SUSD5: variants seen among roughly 807,000 people sequenced by gnomAD.
The protein encoded by SUSD5 is sushi domain-containing protein 5.
A neutral mutation model predicts 29.5 loss-of-function variants in SUSD5; 33 were observed. The observed-to-expected ratio is 1.12, with a 90% CI of 0.85 to 1.49. The LOEUF is 1.49. SUSD5 is among the 40% of genes most tolerant of loss of function. SUSD5 has a pLI of 0.00. For synonymous variants in SUSD5, 308 were observed against 325.3 expected (o/e 0.95, Z 0.57); for missense variants, 776 against 800.6 (o/e 0.97, Z 0.37).
rs1354966338 is a variant in SUSD5 at position 33,153,622 on chromosome 3, T to C, written c.1010A>G (p.Lys337Arg). The change falls in exon 5 of 5, where the codon AAG (lysine) becomes AGG (arginine). Residue 337 changes from lysine (K) to arginine (R), a missense_variant. Coordinates refer to ENST00000309558, the MANE Select transcript of SUSD5 (RefSeq NM_015551.2). ...VKLVPGEPET[K>R]VIYGNTDGPS... ...ACCATCAGTGTTGCCGTAGATCACC[T>C]TGGTTTCAGGTTCACCTGGGACCAA... 6.2e-7 allele frequency: 1 copy of C among 1,613,918 alleles called. No individual in the cohort carries two copies. The highest frequency in any genetic ancestry group is 1.3e-5 in the African/African-American group (1 of 74,942).
intron 4 of SUSD5, among the ~76,000 whole-genome samples, chr3:33,172,641 G>C (rs1001855398): frequency 6.6e-6 from 1 of 152,230 alleles, no homozygotes; most frequent in South Asian, 2.1e-4. Context: ...GAAAGATGAG[G>C]AAAGTTCTAG....
At chr3:33,172,884 TAC>T (rs1295121253) in intron 4 of SUSD5, among the ~76,000 whole-genome samples, 1 of 152,158 alleles carries the variant, frequency 6.6e-6, no homozygotes, top group Non-Finnish European at 1.5e-5. Context: ...AGCTAATGAC[TAC>T]AAAAAATGTG....
chr3:33,166,630 T>A (rs1007721352), intron 4 of SUSD5, among the ~76,000 whole-genome samples: 5 of 152,220 alleles, frequency 3.3e-5, no homozygotes, highest in Non-Finnish European at 7.3e-5. Context: ...TGCCTTTGTA[T>A]TCCCCCTGCC....
chr3:33,174,834 T>A, intron 4 of SUSD5, 52 bp downstream of exon 4: 1 of 1,595,894 alleles, frequency 6.3e-7, no homozygotes, highest in Non-Finnish European at 8.6e-7. Context: ...AGTGGAGCCC[T>A]CAGCCAGCAC....
intron 3 of SUSD5, among the ~76,000 whole-genome samples, chr3:33,200,089 C>T (rs2032086682): frequency 6.6e-6 from 1 of 152,184 alleles, no homozygotes; most frequent in South Asian, 2.1e-4. Flanking sequence ...CAGAGCAAGA[C>T]AGATCATGAG....
Position 33,218,803 on chromosome 3 carries a change from G to T in SUSD5, c.-6C>A. ...CTGGGTCCCTCGGCAGTCATGGTCC[G>T]GGAGTGCGCGGGCCAGCGGACTCGG... On this transcript the variant is annotated 5_prime_UTR_variant, in exon 1 of 5. Transcript: ENST00000309558. 1 of 1,442,048 alleles carries T rather than the reference G, an allele frequency of 6.9e-7. No individual in the cohort carries two copies. The highest frequency in any genetic ancestry group is 2.7e-5 in the Admixed American group (1 of 37,514). The allele number at this position is 1,442,048 out of a possible 1,614,324, so 89.3% of individuals were successfully genotyped here. A position where few individuals can be genotyped will look rare whatever the true frequency, so the allele number is the denominator to read the frequency against.
In SUSD5 at chr3:33,218,754, C is replaced by T; in HGVS notation, c.44G>A (p.Arg15His). 1 of 1,407,090 alleles carries T rather than the reference C, an allele frequency of 7.1e-7. No individual in the cohort carries two copies. Among genetic ancestry groups the T allele is most frequent in the Non-Finnish European group, 9.2e-7 (1 of 1,087,558 alleles). 87.2% of individuals were successfully genotyped at this position (1,407,090 alleles called of 1,614,324 possible). A position where few individuals can be genotyped will look rare whatever the true frequency, so the allele number is the denominator to read the frequency against. ...CGCCGCCGCCCAGAGCCCGGGGAGG[C>T]GTCTGTGCCAACGGGCAGGCGGGCT... ...GPSPPARWHR[R>H]LPGLWAAALL... The change falls in exon 1 of 5, where the codon CGC becomes CAC. Residue 15 changes from arginine (R) to histidine (H), a missense_variant. By Grantham distance (29) the Arg-to-His change is conservative. Coordinates refer to ENST00000309558, the MANE Select transcript of SUSD5 (RefSeq NM_015551.2).
intron 4 of SUSD5, among the ~76,000 whole-genome samples, chr3:33,158,839 T>C (rs2031113159): frequency 6.6e-6 from 1 of 152,146 alleles, no homozygotes. Context: ...CTCGAAAGCA[T>C]AGGCCATCAC....
chr3:33,203,324 C>G (rs1158152895), intron 3 of SUSD5, among the ~76,000 whole-genome samples: 1 of 147,264 alleles, frequency 6.8e-6, no homozygotes, highest in East Asian at 2.1e-4. Flanking sequence ...TTCTGTTAAG[C>G]CCCAGGAGAA....
chr3:33,189,282 A>C (rs1330975256), intron 3 of SUSD5, among the ~76,000 whole-genome samples: 1 of 152,164 alleles, frequency 6.6e-6, no homozygotes, highest in Non-Finnish European at 1.5e-5. Context: ...GTTCAAGACC[A>C]GCCTGACCAA....
At chr3:33,166,398 G>A (rs140010520) in intron 4 of SUSD5, among the ~76,000 whole-genome samples, 138 of 152,258 alleles carry the variant, frequency 9.1e-4, no homozygotes, top group Middle Eastern at 6.8e-3. Context: ...ATACGGATAG[G>A]GTAAAACCAA....
intron 3 of SUSD5, among the ~76,000 whole-genome samples, chr3:33,200,465 T>C (rs369518817): frequency 6.6e-6 from 1 of 152,334 alleles, no homozygotes; most frequent in East Asian, 1.9e-4. Context: ...TTTTAGGTGC[T>C]TCCTCTGCAG....
chr3:33,209,499 AT>A, intron 2 of SUSD5, among the ~76,000 whole-genome samples: 1 of 151,298 alleles, frequency 6.6e-6, no homozygotes, highest in Non-Finnish European at 1.5e-5. Flanking sequence ...CCTCTGAAAT[AT>A]TTTCCAGTTC....
rs1218082184 is a variant in SUSD5 at position 33,168,630 on chromosome 3, A to AGGATATGC, written c.598+6248_598+6255dup. The AGGATATGC allele has an allele frequency of 2.0e-5, 19 of 959,952 alleles. No individual in the cohort carries two copies. In the Admixed American group the frequency reaches 8.0e-4, roughly 40 times the overall value. The allele number at this position is 959,952 out of a possible 1,614,324, so 59.5% of individuals were successfully genotyped here. On this transcript the variant is annotated intron_variant, in intron 4 of 4. Coordinates refer to ENST00000309558, the MANE Select transcript of SUSD5 (RefSeq NM_015551.2). ...CATAGCATGATGCAGATATCAGGAC[A>AGGATATGC]GGATATGCCTGGTTTTATTTTTTAT...
chr3:33,200,635 C>T (rs1365826417), intron 3 of SUSD5, among the ~76,000 whole-genome samples: 2 of 152,086 alleles, frequency 1.3e-5, no homozygotes, highest in Non-Finnish European at 2.9e-5. Context: ...CAGAAGGAAA[C>T]GAGAGCTGTA....
chr3:33,191,412 G>A (rs1032700390), intron 3 of SUSD5, among the ~76,000 whole-genome samples: 17 of 152,014 alleles, frequency 1.1e-4, no homozygotes, highest in Non-Finnish European at 2.2e-4. Flanking sequence ...TTACAGGCGT[G>A]AGCCACTGCA....
At chr3:33,169,800 C>T (rs2031384819) in intron 4 of SUSD5, among the ~76,000 whole-genome samples, 1 of 152,222 alleles carries the variant, frequency 6.6e-6, no homozygotes, top group Non-Finnish European at 1.5e-5. Context: ...AAGCACTTTC[C>T]TGATACTGCA....
intron 3 of SUSD5, among the ~76,000 whole-genome samples, chr3:33,197,468 T>C (rs1340297796): frequency 3.3e-5 from 5 of 152,222 alleles, no homozygotes; most frequent in Non-Finnish European, 7.3e-5. Context: ...TGTTTTAAAG[T>C]ATTATTTATA....
At chr3:33,178,452 G>GTT (rs1482662774) in intron 3 of SUSD5, among the ~76,000 whole-genome samples, 1 of 110,430 alleles carries the variant, frequency 9.1e-6, no homozygotes, top group Non-Finnish European at 2.2e-5. Flanking sequence ...TTTTGTTGTT[G>GTT]TTTTGTTTTT....
Sources: allele counts gnomAD v4.1 joint callset (sites outside exome capture counted in the v4.1 genomes callset), GRCh38; gene constraint gnomAD v4.1.1; transcripts MANE v1.5; gene names NCBI Gene and HGNC (gene_info 2026-07-23, HGNC 2026-07-21).